The following APOL3 variants were observed in gnomAD, a reference collection of about 807,000 sequenced individuals.
APOL3 encodes the protein TNF-inducible protein CG12-1.
In APOL3, 14 loss-of-function variants were observed where a neutral mutation model predicts 11.6. That is an observed-to-expected ratio of 1.21 (90% confidence interval 0.80 to 1.89). APOL3 has a LOEUF of 1.89. Among genes scored for constraint, APOL3 ranks in the 40% most tolerant of loss-of-function variants. The pLI, the probability that APOL3 is intolerant of heterozygous loss-of-function variation, is 0.00. For synonymous variants in APOL3, 192 were observed against 190.6 expected (o/e 1.01, Z -0.06); for missense variants, 483 against 492.1 (o/e 0.98, Z 0.17).
At chr22:36,147,319 C>T (rs937083108) in intron 1 of APOL3, among the ~76,000 whole-genome samples, 1 of 152,172 alleles carries the variant, frequency 6.6e-6, no homozygotes, top group African/African-American at 2.4e-5. Flanking sequence ...GCACTGATCC[C>T]TGTGGCCCTT....
chr22:36,151,114 T>C (rs1374477901), intron 1 of APOL3, among the ~76,000 whole-genome samples: 3 of 151,796 alleles, frequency 2.0e-5, no homozygotes, highest in Non-Finnish European at 4.4e-5. Flanking sequence ...GGATTCACAG[T>C]AGCCGTGAGT....
intron 1 of APOL3, 105 bp from the exon 3 acceptor site, chr22:36,145,704 A>T: frequency 1.4e-6 from 2 of 1,439,390 alleles, no homozygotes; most frequent in East Asian, 4.6e-5. Flanking sequence ...CAGCTGTCAC[A>T]TGGGGTATTT....
At chr22:36,147,271 A>G (rs2060254003) in intron 1 of APOL3, among the ~76,000 whole-genome samples, 2 of 152,072 alleles carry the variant, frequency 1.3e-5, no homozygotes, top group Admixed American at 1.3e-4. Context: ...TGGGCAGTGG[A>G]GGGGGTTCTT....
intron 1 of APOL3, among the ~76,000 whole-genome samples, chr22:36,155,453 C>T (rs1210555670): frequency 6.6e-6 from 1 of 152,164 alleles, no homozygotes; most frequent in African/African-American, 2.4e-5. Context: ...GATCTTGCAT[C>T]CAGGTGTCTA....
At chr22:36,145,021 AAAAAG>A (rs759851594) in intron 2 of APOL3, among the ~76,000 whole-genome samples, 2 of 86,570 alleles carry the variant, frequency 2.3e-5, no homozygotes, top group African/African-American at 1.2e-4. Flanking sequence ...AAAAAAAAAA[AAAAAG>A]AAAAAAAAAG....
chr22:36,162,015 C>T (rs541517556), upstream of APOL3, among the ~76,000 whole-genome samples: 8 of 152,146 alleles, frequency 5.3e-5, no homozygotes, highest in Non-Finnish European at 8.8e-5. Context: ...CTTCTGGCGG[C>T]GGGTGCAGTG....
chr22:36,140,360 A>C (rs565302408), exon 3 of APOL3: 2 of 152,202 alleles, frequency 1.3e-5, no homozygotes, highest in African/African-American at 4.8e-5. Flanking sequence ...TAGGACTTAC[A>C]CACAGGGCAC....
At chr22:36,145,408 T>C in intron 2 of APOL3, 65 bp downstream of exon 3, 1 of 1,557,772 alleles carries the variant, frequency 6.4e-7, no homozygotes, top group Non-Finnish European at 8.7e-7. Context: ...CAGAGAAAAC[T>C]AGCCCAGGGG....
intron 1 of APOL3, among the ~76,000 whole-genome samples, chr22:36,150,192 AG>A (rs1254127153): frequency 2.0e-5 from 3 of 152,208 alleles, no homozygotes; most frequent in African/African-American, 7.2e-5. Context: ...ATGAGAAAAA[AG>A]AAAGCAAATG....
chr22:36,152,818 A>T (rs1308067665), intron 1 of APOL3, among the ~76,000 whole-genome samples: 1 of 152,208 alleles, frequency 6.6e-6, no homozygotes, highest in Non-Finnish European at 1.5e-5. Flanking sequence ...TACTCCCTAA[A>T]GAAAAGCTGG....
intron 1 of APOL3, among the ~76,000 whole-genome samples, chr22:36,158,816 G>GA (rs960893643): frequency 3.3e-5 from 5 of 151,572 alleles, no homozygotes; most frequent in East Asian, 1.9e-4. Flanking sequence ...GACTCCGTCA[G>GA]AAAAAAAAGA....
chr22:36,145,267 G>C (rs897693994), intron 2 of APOL3, among the ~76,000 whole-genome samples: 2 of 152,178 alleles, frequency 1.3e-5, no homozygotes, highest in African/African-American at 4.8e-5. Flanking sequence ...CTGCCCTTGT[G>C]GGCTTCCTCT....
chr22:36,164,547 AT>A (rs1464995469), upstream of APOL3: 1 of 152,144 alleles, frequency 6.6e-6, no homozygotes, highest in African/African-American at 2.4e-5. Context: ...TTTCCACCCA[AT>A]TATGTGTCAG....
chr22:36,146,216 G>A (rs1379472800), intron 1 of APOL3: 3 of 152,086 alleles, frequency 2.0e-5, no homozygotes, highest in African/African-American at 7.2e-5. Context: ...GTTTTACTAA[G>A]GCATCCTGAG....
intron 1 of APOL3, among the ~76,000 whole-genome samples, chr22:36,153,604 C>A (rs1234953272): frequency 6.6e-6 from 1 of 152,216 alleles, no homozygotes; most frequent in South Asian, 2.1e-4. Flanking sequence ...ATTCCCCAGA[C>A]TGTGATATGT....
exon 3 of APOL3, chr22:36,141,803 G>T (rs763488684): frequency 1.2e-6 from 2 of 1,614,098 alleles, no homozygotes; most frequent in African/African-American, 1.3e-5. Context: ...GACCAGCAAG[G>T]GACATGATGC....
intron 1 of APOL3, among the ~76,000 whole-genome samples, chr22:36,148,789 G>C (rs760565282): frequency 2.0e-5 from 3 of 152,192 alleles, no homozygotes; most frequent in Non-Finnish European, 4.4e-5. Flanking sequence ...TGCCCCACTT[G>C]AGTCGTTTGC....
At chr22:36,148,766 C>T (rs1183652770) in intron 1 of APOL3, among the ~76,000 whole-genome samples, 3 of 152,180 alleles carry the variant, frequency 2.0e-5, no homozygotes, top group Admixed American at 6.5e-5. Context: ...TTTCCACTTC[C>T]CCAAGGCTGT....
chr22:36,162,060 G>A (rs183400524), upstream of APOL3, among the ~76,000 whole-genome samples: 340 of 152,312 alleles, frequency 2.2e-3, 3 homozygotes, highest in Non-Finnish European at 3.5e-3. Context: ...ATGATAAACA[G>A]TTTGCTGTTT....
Sources: gnomAD v4.1 joint callset for allele counts (sites outside exome capture counted in the v4.1 genomes callset) on GRCh38, gnomAD v4.1.1 for gene constraint, MANE v1.5 for transcripts, NCBI Gene and HGNC (gene_info 2026-07-23, HGNC 2026-07-21) for gene names.